Variants in THSD4 observed in about 807,000 individuals in gnomAD.
THSD4 encodes the protein thrombospondin type 1 domain containing 4, also known as thrombospondin type-1 domain-containing protein 4.
In THSD4, 69 loss-of-function variants were observed where a neutral mutation model predicts 119.0. The observed-to-expected ratio is 0.58, with a 90% CI of 0.48 to 0.71. The LOEUF (loss-of-function observed/expected upper bound fraction) is 0.71, where lower values mean the gene tolerates loss of function less well. Among genes scored for constraint, THSD4 ranks in the 30% least tolerant of loss-of-function variants. The pLI is 0.00. For synonymous variants in THSD4, 524 were observed against 540.4 expected, an observed-to-expected ratio of 0.97 and a Z score of 0.42; for missense variants, 1,393 against 1,391.1, an observed-to-expected ratio of 1.00 and a Z score of -0.02.
chr15:71,243,113 C>G lies in THSD4; in HGVS notation c.912+17C>G. ...AACACCAACGTGAGTACACACAACC[C>G]ATACCGGGCCTGGAAACAGCTGCCC... On this transcript the variant is annotated intron_variant, in intron 5 of 17. Transcript: ENST00000261862. The G allele has an allele frequency of 6.3e-7, 1 of 1,588,774 alleles. No homozygotes were observed. Among genetic ancestry groups the G allele is most frequent in the Non-Finnish European group, 8.6e-7 (1 of 1,167,564 alleles).
At chr15:71,715,997 A>T (rs73430264) in intron 8 of THSD4, among the ~76,000 whole-genome samples, 1 of 152,044 alleles carries the variant, frequency 6.6e-6, no homozygotes, top group Non-Finnish European at 1.5e-5. Flanking sequence ...TTAAAACAAC[A>T]GAAATTCATT....
chr15:71,565,630 A>G (rs1405543766), intron 7 of THSD4, among the ~76,000 whole-genome samples: 1 of 142,722 alleles, frequency 7.0e-6, no homozygotes, highest in Non-Finnish European at 1.6e-5. Flanking sequence ...GTTAGAAGTG[A>G]TGGTAGAGAC....
rs182719020 is a variant in THSD4 at position 71,423,675 on chromosome 15, A to C, written c.1152+11852A>C. On this transcript the variant is annotated intron_variant, in intron 7 of 17. Transcript: ENST00000261862. ...CGGAGTGTAAACACTCCTTTGACCA[A>C]CCTGGCTGGTGTCTCACTAGGTTTC... 4.2e-4 allele frequency among the ~76,000 whole-genome samples: 64 copies of C among 152,192 alleles called. 1 individual carries two copies. Among genetic ancestry groups the C allele is most frequent in the Admixed American group, 3.1e-3 (48 of 15,294 alleles).
chr15:71,457,563 C>T (rs1416758350), intron 7 of THSD4, among the ~76,000 whole-genome samples: 3 of 152,022 alleles, frequency 2.0e-5, no homozygotes, highest in Non-Finnish European at 4.4e-5. Context: ...CCTACCATTC[C>T]CACTCAGCAC....
chr15:71,504,596 T>TA (rs1476694836), intron 7 of THSD4, among the ~76,000 whole-genome samples: 3 of 152,172 alleles, frequency 2.0e-5, no homozygotes, highest in Non-Finnish European at 4.4e-5. Flanking sequence ...TTGGATTAAT[T>TA]TTATTAACCT....
chr15:71,684,691 G>A (rs1242483763), intron 8 of THSD4, among the ~76,000 whole-genome samples: 2 of 151,602 alleles, frequency 1.3e-5, no homozygotes, highest in Admixed American at 1.3e-4. Context: ...CCTTATTTGG[G>A]ATTTTTAAAA....
intron 6 of THSD4, among the ~76,000 whole-genome samples, chr15:71,274,779 G>T (rs1183708924): frequency 6.6e-6 from 1 of 152,052 alleles, no homozygotes; most frequent in Non-Finnish European, 1.5e-5. Flanking sequence ...TCTATTCTAG[G>T]GTATTCTAGC....
chr15:71,515,438 C>T (rs2048345079), intron 7 of THSD4, among the ~76,000 whole-genome samples: 1 of 152,044 alleles, frequency 6.6e-6, no homozygotes, highest in African/African-American at 2.4e-5. Flanking sequence ...GTCAGAGTAC[C>T]TGGGTTTCAG....
chr15:71,502,021 C>A (rs2048119464), intron 7 of THSD4, among the ~76,000 whole-genome samples: 1 of 152,184 alleles, frequency 6.6e-6, no homozygotes, highest in Non-Finnish European at 1.5e-5. Flanking sequence ...GAGAATGAGG[C>A]CTTTGACATT....
At chr15:71,384,853 A>G (rs1257382022) in intron 6 of THSD4, among the ~76,000 whole-genome samples, 2 of 152,228 alleles carry the variant, frequency 1.3e-5, no homozygotes, top group East Asian at 3.8e-4. Context: ...TGGAGTACTC[A>G]ATTCTTCCAA....
chr15:71,443,911 G>A (rs1175840147), intron 7 of THSD4, among the ~76,000 whole-genome samples: 2 of 152,202 alleles, frequency 1.3e-5, no homozygotes, highest in Non-Finnish European at 2.9e-5. Flanking sequence ...AGGCCCTGAG[G>A]CAAATCCTAG....
At chr15:71,623,751 C>T (rs898532499) in intron 7 of THSD4, among the ~76,000 whole-genome samples, 1 of 151,946 alleles carries the variant, frequency 6.6e-6, no homozygotes, top group Non-Finnish European at 1.5e-5. Context: ...GGTGACACCC[C>T]ATCTCTACTA....
rs897084750 is a variant in THSD4, at chr15:71,762,393, T to C, written c.2590-2627T>C. ...TGTTCTGCCACACACTTAGTACAGA[T>C]GTAGGATCTCATAGCATTGAGGGGT... On this transcript the variant is annotated intron_variant, in intron 15 of 17. Coordinates refer to ENST00000261862, the MANE Select transcript of THSD4 (RefSeq NM_024817.3). Among the ~76,000 whole-genome samples, 5 of 152,206 alleles carry C rather than the reference T, an allele frequency of 3.3e-5. No homozygotes were observed. The South Asian group carries it at 6.2e-4, about 19-fold the overall frequency.
At chr15:71,302,840 T>G (rs1274373646) in intron 6 of THSD4, among the ~76,000 whole-genome samples, 1 of 152,020 alleles carries the variant, frequency 6.6e-6, no homozygotes, top group Non-Finnish European at 1.5e-5. Flanking sequence ...CCCAAGATGC[T>G]GCACCTGCCG....
chr15:71,685,684 T>C lies in THSD4; in HGVS notation c.1357+24950T>C, dbSNP rs112287898. Reference sequence around the variant, plus strand: ...ATGTAGTTGGAAAATAGAGAGGTAGTTTAGTGGTCTTTTCAGATCATTGTG... The same window carrying C: ...ATGTAGTTGGAAAATAGAGAGGTAGCTTAGTGGTCTTTTCAGATCATTGTG... On this transcript the variant is annotated intron_variant, in intron 8 of 17. Transcript: ENST00000261862. Among the ~76,000 whole-genome samples, 1,135 of 152,280 alleles carry C rather than the reference T, an allele frequency of 7.5e-3. 14 individuals are homozygous for C. Among genetic ancestry groups the C allele is most frequent in the African/African-American group, 0.026 (1,084 of 41,570 alleles).
At chr15:71,593,144 G>GGTGACCTTTTAAAAGCAC (rs1353727997) in intron 7 of THSD4, among the ~76,000 whole-genome samples, 4 of 44,686 alleles carry the variant, frequency 9.0e-5, no homozygotes, top group South Asian at 8.6e-4. Context: ...GAGCCTGTAG[G>GGTGACCTTTTAAAAGCAC]CCGGGCGCGG....
intron 6 of THSD4, among the ~76,000 whole-genome samples, chr15:71,368,568 C>T (rs1203849056): frequency 1.3e-5 from 2 of 152,132 alleles, no homozygotes; most frequent in South Asian, 4.1e-4. Context: ...TTGTTTTTGT[C>T]AGGTTTGTCA....
At chr15:71,640,791 T>C (rs1321249761) in intron 7 of THSD4, among the ~76,000 whole-genome samples, 1 of 152,218 alleles carries the variant, frequency 6.6e-6, no homozygotes, top group Non-Finnish European at 1.5e-5. Context: ...ACCTACCATG[T>C]GGTTCATCTC....
chr15:71,272,396 C>CAAAA (rs61293620), intron 6 of THSD4, among the ~76,000 whole-genome samples: 6 of 55,584 alleles, frequency 1.1e-4, no homozygotes, highest in African/African-American at 1.5e-4. Context: ...GACTCTGTCT[C>CAAAA]AAAAAAAAAA....
Sources: gnomAD v4.1 joint callset for allele counts (sites outside exome capture counted in the v4.1 genomes callset) on GRCh38, gnomAD v4.1.1 for gene constraint, MANE v1.5 for transcripts, NCBI Gene and HGNC (gene_info 2026-07-23, HGNC 2026-07-21) for gene names.